The following LAMA2 variants were observed in gnomAD, a reference collection of about 807,000 sequenced individuals.
LAMA2 encodes the protein laminin subunit alpha-2.
Under a neutral mutation model 364.8 loss-of-function variants are expected in LAMA2, and 269 were observed. That is an observed-to-expected ratio of 0.74 (90% CI 0.67 to 0.82). LAMA2 has a LOEUF of 0.82. Among genes scored for constraint, LAMA2 ranks in the 40% least tolerant of loss-of-function variants. The pLI is 0.00. For missense variants in LAMA2, 3,807 were observed against 3,873.2 expected (o/e 0.98, Z 0.45); for synonymous variants, 1,379 against 1,370.6 (o/e 1.01, Z -0.14).
At chr6:129,045,561 T>C (rs766113873) in intron 1 of LAMA2, among the ~76,000 whole-genome samples, 1 of 152,210 alleles carries the variant, frequency 6.6e-6, no homozygotes. Flanking sequence ...ATAAAATTTA[T>C]ACAATGGGTT....
intron 1 of LAMA2, among the ~76,000 whole-genome samples, chr6:128,950,510 G>A (rs1780744679): frequency 6.6e-6 from 1 of 152,066 alleles, no homozygotes; most frequent in Non-Finnish European, 1.5e-5. Flanking sequence ...GAAGTCTTAT[G>A]GACATTTTAT....
At chr6:129,074,518 A>G (rs769993667) in intron 3 of LAMA2, among the ~76,000 whole-genome samples, 17 of 152,240 alleles carry the variant, frequency 1.1e-4, no homozygotes, top group South Asian at 2.1e-4. Flanking sequence ...GCTTCCCTTT[A>G]CTTAAGTCTG....
At chr6:128,935,410 C>T (rs1779757999) in intron 1 of LAMA2, among the ~76,000 whole-genome samples, 1 of 152,084 alleles carries the variant, frequency 6.6e-6, no homozygotes. Context: ...TTTTTTATGA[C>T]TCTGTAGTAT....
chr6:129,243,196 T>C (rs952078392), intron 12 of LAMA2, among the ~76,000 whole-genome samples: 2 of 152,148 alleles, frequency 1.3e-5, no homozygotes, highest in Admixed American at 1.3e-4. Context: ...CTTTGAATTA[T>C]AGCTGAGTAC....
At chr6:129,257,296 T>G (rs796661729) in intron 14 of LAMA2, among the ~76,000 whole-genome samples, 6 of 152,200 alleles carry the variant, frequency 3.9e-5, no homozygotes, top group African/African-American at 1.4e-4. Context: ...TAGCAGAACC[T>G]AATGAACATT....
At chr6:129,180,475 T>A (rs1365462185) in intron 10 of LAMA2, among the ~76,000 whole-genome samples, 6 of 152,174 alleles carry the variant, frequency 3.9e-5, no homozygotes, top group East Asian at 1.9e-4. Flanking sequence ...AGTTTTTTTT[T>A]ATCAGAAAGA....
rs966151004 is a variant in LAMA2, at chr6:129,514,670, T to A, written c.9211+75T>A. On this transcript the variant is annotated intron_variant, in intron 64 of 64. Coordinates refer to ENST00000421865, the MANE Select transcript of LAMA2 (RefSeq NM_000426.4). ...GGTTTTGAAAACATTTATATTTACGTGTGTCTAAGAATGTGTGCTTATGTG... is the reference window on the plus strand; with the variant it reads ...GGTTTTGAAAACATTTATATTTACGAGTGTCTAAGAATGTGTGCTTATGTG... The A allele has an allele frequency of 3.3e-5, 36 of 1,098,944 alleles. No homozygotes were observed. The Admixed American group carries it at 6.4e-4, about 20-fold the overall frequency. The allele number at this position is 1,098,944 out of a possible 1,614,324, so 68.1% of individuals were successfully genotyped here.
intron 4 of LAMA2, among the ~76,000 whole-genome samples, chr6:129,108,272 A>C (rs376123709): frequency 6.6e-6 from 1 of 151,950 alleles, no homozygotes; most frequent in East Asian, 1.9e-4. Context: ...TTTTTTAAAT[A>C]TTTTTTATTT....
At chr6:128,911,149 C>T (rs1167553019) in intron 1 of LAMA2, among the ~76,000 whole-genome samples, 1 of 152,130 alleles carries the variant, frequency 6.6e-6, no homozygotes, top group Non-Finnish European at 1.5e-5. Flanking sequence ...CCTCCTTGAG[C>T]TGTGGTGGGC....
chr6:129,365,118 A>C (rs948346289), intron 32 of LAMA2, among the ~76,000 whole-genome samples: 1 of 152,206 alleles, frequency 6.6e-6, no homozygotes, highest in Non-Finnish European at 1.5e-5. Context: ...CACAGATCCA[A>C]ACCATATCTG....
intron 16 of LAMA2, 23 bp from the exon 17 acceptor site, chr6:129,270,601 T>A: frequency 6.2e-7 from 1 of 1,612,450 alleles, no homozygotes; most frequent in Non-Finnish European, 8.5e-7. Flanking sequence ...AATAATAAAC[T>A]CTGATGCTCA....
intron 4 of LAMA2, among the ~76,000 whole-genome samples, chr6:129,130,679 C>A (rs562180335): frequency 3.9e-5 from 6 of 152,226 alleles, no homozygotes; most frequent in Non-Finnish European, 8.8e-5. Context: ...GGACTTACAG[C>A]GTATTCCTTT....
intron 35 of LAMA2, among the ~76,000 whole-genome samples, chr6:129,386,796 CACAT>C (rs1779042598): frequency 6.6e-6 from 1 of 152,098 alleles, no homozygotes; most frequent in Non-Finnish European, 1.5e-5. Context: ...TAAAGTAGCA[CACAT>C]ACCAAAAACC....
At chr6:129,351,846 T>C (rs892649242) in intron 31 of LAMA2, among the ~76,000 whole-genome samples, 9 of 152,198 alleles carry the variant, frequency 5.9e-5, no homozygotes, top group African/African-American at 2.2e-4. Flanking sequence ...TTGTACTCTT[T>C]CATTGAAAAA....
intron 10 of LAMA2, among the ~76,000 whole-genome samples, chr6:129,179,286 A>G (rs1780792249): frequency 6.6e-6 from 1 of 152,084 alleles, no homozygotes; most frequent in Non-Finnish European, 1.5e-5. Flanking sequence ...CACTTGCTCA[A>G]ATAAAGGACA....
At chr6:129,332,573 A>G (rs2114544073) in intron 29 of LAMA2, among the ~76,000 whole-genome samples, 1 of 152,306 alleles carries the variant, frequency 6.6e-6, no homozygotes, top group African/African-American at 2.4e-5. Context: ...GCCTATTTGT[A>G]AAGAATTGCT....
intron 1 of LAMA2, among the ~76,000 whole-genome samples, chr6:128,892,842 A>G (rs1334457258): frequency 6.6e-6 from 1 of 151,940 alleles, no homozygotes; most frequent in African/African-American, 2.4e-5. Context: ...TAAATCTACT[A>G]TTAAAAAAAC....
At position 129,181,145 on chromosome 6, in the gene LAMA2, C is replaced by T. The variant is rs115040782; in HGVS notation, c.1467+3279C>T. Reference sequence around the variant, plus strand: ...CGTGGGAATGGGATACATTTTTATTCTCCCCTTATGTGCTGGCATTCTTCA... The same window carrying T: ...CGTGGGAATGGGATACATTTTTATTTTCCCCTTATGTGCTGGCATTCTTCA... On this transcript the variant is annotated intron_variant, in intron 10 of 64. Coordinates refer to ENST00000421865, the MANE Select transcript of LAMA2 (RefSeq NM_000426.4). Among the ~76,000 whole-genome samples, 443 of 152,156 alleles carry T rather than the reference C, an allele frequency of 2.9e-3. 4 individuals are homozygous for T. Among genetic ancestry groups the T allele is most frequent in the African/African-American group, 1.0e-2 (415 of 41,514 alleles).
chr6:129,321,174 A>T (rs1045846707), intron 28 of LAMA2, among the ~76,000 whole-genome samples: 1 of 152,174 alleles, frequency 6.6e-6, no homozygotes, highest in African/African-American at 2.4e-5. Context: ...AAGTAATTTT[A>T]AAACTGCTTT....
Sources: allele counts gnomAD v4.1 joint callset (sites outside exome capture counted in the v4.1 genomes callset), GRCh38; gene constraint gnomAD v4.1.1; transcripts MANE v1.5; gene names NCBI Gene and HGNC (gene_info 2026-07-23, HGNC 2026-07-21).